The following BIRC6 variants were observed in gnomAD, a reference collection of about 807,000 sequenced individuals.
The protein encoded by BIRC6 is baculoviral IAP repeat containing 6.
Under a neutral mutation model 503.3 loss-of-function variants are expected in BIRC6, and 98 were observed. That is an observed-to-expected ratio of 0.19 (90% confidence interval 0.17 to 0.23). The LOEUF is 0.23. Among genes scored for constraint, BIRC6 ranks in the 10% least tolerant of loss-of-function variants. The probability of loss-of-function intolerance (pLI) is 1.00; values close to 1 mark genes in which losing one functional copy is unlikely to be tolerated. For missense variants in BIRC6, 5,360 were observed against 5,806.0 expected, an observed-to-expected ratio of 0.92 and a Z score of 2.50; for synonymous variants, 2,240 against 2,078.7, an observed-to-expected ratio of 1.08 and a Z score of -2.11.
At chr2:32,498,656 C>T (rs1373546963) in intron 45 of BIRC6, among the ~76,000 whole-genome samples, 2 of 151,818 alleles carry the variant, frequency 1.3e-5, no homozygotes, top group Admixed American at 6.6e-5. Context: ...TGTGTGATCT[C>T]AACTCACTGC....
Position 32,597,942 on chromosome 2 carries a change from G to A in BIRC6, c.13804G>A (p.Asp4602Asn), listed in dbSNP as rs1433296083. 2.5e-6 allele frequency: 4 copies of A among 1,612,666 alleles called. No homozygotes were observed. The highest frequency in any genetic ancestry group is 3.4e-6 in the Non-Finnish European group (4 of 1,179,836). The change falls in exon 69 of 74, where the codon GAT becomes AAT. Residue 4602 changes from aspartate to asparagine, a missense_variant. Coordinates refer to ENST00000421745, the MANE Select transcript of BIRC6 (RefSeq NM_016252.4). ...SSSSSVFVRC[D>N]EERLDIMKVL... ...ATCCTCTAGTGTGTTTGTACGCTGT[G>A]ATGAGGAGCGACTTGATATCATGAA... is the stretch of plus-strand genomic sequence containing the variant.
intron 54 of BIRC6, among the ~76,000 whole-genome samples, 160 bp from the exon 55 acceptor site, chr2:32,514,830 A>G (rs1410338102): frequency 1.3e-5 from 2 of 152,126 alleles, no homozygotes; most frequent in African/African-American, 4.8e-5. Context: ...GTGTGTCTAT[A>G]TATATATATA....
At chr2:32,590,242 G>C (rs1260687743) in intron 66 of BIRC6, among the ~76,000 whole-genome samples, 1 of 152,166 alleles carries the variant, frequency 6.6e-6, no homozygotes, top group Non-Finnish European at 1.5e-5. Context: ...AGCACAGTGT[G>C]ATCAGTGCTT....
At chr2:32,386,607 G>T (rs1306356113) in intron 3 of BIRC6, among the ~76,000 whole-genome samples, 2 of 152,034 alleles carry the variant, frequency 1.3e-5, no homozygotes, top group Non-Finnish European at 2.9e-5. Flanking sequence ...ATCACGCCTG[G>T]CTGTTATTTT....
At chr2:32,383,460 T>A (rs2037989256) in intron 3 of BIRC6, among the ~76,000 whole-genome samples, 1 of 152,244 alleles carries the variant, frequency 6.6e-6, no homozygotes, top group Non-Finnish European at 1.5e-5. Flanking sequence ...GCATCTCAAC[T>A]GGTCAGGATT....
chr2:32,504,411 T>C (rs2053568568), intron 49 of BIRC6, among the ~76,000 whole-genome samples: 1 of 152,020 alleles, frequency 6.6e-6, no homozygotes, highest in African/African-American at 2.4e-5. Context: ...CTCATGCCTG[T>C]AATCCCAGCA....
chr2:32,451,450 C>T (rs992611225), intron 22 of BIRC6, among the ~76,000 whole-genome samples: 5 of 151,980 alleles, frequency 3.3e-5, no homozygotes, highest in East Asian at 1.9e-4. Context: ...ACATTTTTAT[C>T]GATTGTGAAA....
At chr2:32,413,203 A>G (rs1021382587) in intron 9 of BIRC6, among the ~76,000 whole-genome samples, 2 of 134,634 alleles carry the variant, frequency 1.5e-5, no homozygotes, top group Non-Finnish European at 3.1e-5. Flanking sequence ...TTTTTGAGAC[A>G]TAGTCTCACT....
intron 65 of BIRC6, among the ~76,000 whole-genome samples, chr2:32,559,558 G>A (rs572476318): frequency 2.4e-4 from 37 of 152,020 alleles, no homozygotes; most frequent in East Asian, 7.7e-4. Context: ...TAACAGGCAG[G>A]TTTTTATTAA....
At chr2:32,494,932 C>T (rs1388066768) in intron 45 of BIRC6, among the ~76,000 whole-genome samples, 2 of 152,076 alleles carry the variant, frequency 1.3e-5, no homozygotes, top group Non-Finnish European at 2.9e-5. Context: ...AATTAATGAT[C>T]AGGAATAAGT....
chr2:32,574,942 T>TTAG (rs2060162549), intron 65 of BIRC6: 1 of 565,358 alleles, frequency 1.8e-6, no homozygotes, highest in Admixed American at 3.1e-5. Flanking sequence ...GAGACAGGGT[T>TTAG]TCTACATGTT....
intron 5 of BIRC6, among the ~76,000 whole-genome samples, chr2:32,394,370 A>G (rs2039603679): frequency 6.6e-6 from 1 of 152,124 alleles, no homozygotes; most frequent in Non-Finnish European, 1.5e-5. Flanking sequence ...GGTTTTGAAA[A>G]TATATACATA....
chr2:32,401,070 T>TA, intron 6 of BIRC6, 93 bp from the exon 7 acceptor site: 3 of 1,098,822 alleles, frequency 2.7e-6, no homozygotes, highest in Middle Eastern at 2.0e-4. Context: ...TAAGTTCAGT[T>TA]AAAAAAAGAT....
intron 32 of BIRC6, among the ~76,000 whole-genome samples, chr2:32,471,628 G>A (rs2049111510): frequency 6.6e-6 from 1 of 151,992 alleles, no homozygotes; most frequent in Non-Finnish European, 1.5e-5. Flanking sequence ...AAATCAACCT[G>A]CAACATTATT....
intron 1 of BIRC6, among the ~76,000 whole-genome samples, chr2:32,368,807 A>G (rs1403857190): frequency 1.3e-5 from 2 of 152,054 alleles, no homozygotes; most frequent in Non-Finnish European, 2.9e-5. Context: ...GTGTACCACC[A>G]TGCCCAGCTA....
At chr2:32,617,343 A>G (rs112181406) in intron 73 of BIRC6, among the ~76,000 whole-genome samples, 3,571 of 152,214 alleles carry the variant, frequency 0.023, 136 homozygotes, top group African/African-American at 0.081. Flanking sequence ...GGAGGTTGCA[A>G]TGAGCTGAGA....
chr2:32,499,480 T>C, intron 45 of BIRC6, 67 bp from the exon 46 acceptor site: 1 of 1,361,936 alleles, frequency 7.3e-7, no homozygotes, highest in South Asian at 1.5e-5. Flanking sequence ...GTTTAATTTT[T>C]AATCCTTTCT....
At chr2:32,539,788 G>C (rs1178069507) in intron 61 of BIRC6, among the ~76,000 whole-genome samples, 1 of 151,596 alleles carries the variant, frequency 6.6e-6, no homozygotes, top group Non-Finnish European at 1.5e-5. Flanking sequence ...CAGAAGCAAG[G>C]AATTACTACA....
intron 33 of BIRC6, 44 bp downstream of exon 33, chr2:32,473,283 T>G: frequency 6.8e-7 from 1 of 1,461,462 alleles, no homozygotes; most frequent in Non-Finnish European, 9.2e-7. Context: ...TTGAGAATAT[T>G]GTTTTGGAGT....
Sources: gnomAD v4.1 joint callset for allele counts (sites outside exome capture counted in the v4.1 genomes callset) on GRCh38, gnomAD v4.1.1 for gene constraint, MANE v1.5 for transcripts, NCBI Gene and HGNC (gene_info 2026-07-23, HGNC 2026-07-21) for gene names.